EVC: variants seen among roughly 807,000 people sequenced by gnomAD.
The protein encoded by EVC is EvC ciliary complex subunit 1.
EVC carries 116 observed loss-of-function variants against 118.9 expected under a neutral mutation model. That is an observed-to-expected ratio of 0.98 (90% confidence interval 0.84 to 1.14). The LOEUF (loss-of-function observed/expected upper bound fraction) is 1.14, where lower values mean the gene tolerates loss of function less well. EVC is among the 50% of genes most tolerant of loss of function. The pLI, the probability that EVC is intolerant of heterozygous loss-of-function variation, is 0.00. For missense variants in EVC, 1,401 were observed against 1,246.4 expected, an observed-to-expected ratio of 1.12 and a Z score of -1.87; for synonymous variants, 619 against 534.7, an observed-to-expected ratio of 1.16 and a Z score of -2.18.
chr4:5,797,060 T>C lies in EVC; in HGVS notation c.1925T>C (p.Leu642Ser). 7 of 1,613,444 alleles carry C rather than the reference T, an allele frequency of 4.3e-6. No homozygotes were observed. Among genetic ancestry groups the C allele is most frequent in the Non-Finnish European group, 5.9e-6 (7 of 1,179,994 alleles). ...RCVLQGHDLLLRSALRRLALR... is the reference protein window; with the variant it reads ...RCVLQGHDLLSRSALRRLALR... ...GTCCTGCAGGGGCATGACCTGCTGTTGCGCTCAGCCCTCCGGAGGCTGGCA... is the reference window on the plus strand; with the variant it reads ...GTCCTGCAGGGGCATGACCTGCTGTCGCGCTCAGCCCTCCGGAGGCTGGCA... Residue 642 changes from leucine (L) to serine (S), a missense_variant, in exon 14 of 21, where the codon TTG becomes TCG. Transcript: ENST00000264956.
rs1028243307 is a variant in EVC at position 5,711,291 on chromosome 4, C to T, written c.-90C>T. On this transcript the variant is annotated 5_prime_UTR_variant, in exon 1 of 21. Transcript: ENST00000264956. ...TGCGGAGCGGGCCGCGCCCCTGGCC[C>T]GCCCGGGCTCCAAGTCCCGCGTCGC... The T allele has an allele frequency of 7.2e-5, 65 of 900,710 alleles. No individual in the cohort carries two copies. Among genetic ancestry groups the T allele is most frequent in the African/African-American group, 5.0e-4 (28 of 55,570 alleles). 55.8% of individuals were successfully genotyped at this position (900,710 alleles called of 1,614,324 possible).
intron 11 of EVC, among the ~76,000 whole-genome samples, chr4:5,773,895 G>A (rs1734345230): frequency 6.6e-6 from 1 of 152,064 alleles, no homozygotes; most frequent in Non-Finnish European, 1.5e-5. Context: ...TCAGGCTGGG[G>A]TCCCTGGGGA....
At chr4:5,825,367 G>A in the EVC span, 45 of 1,444,244 alleles carry the variant, frequency 3.1e-5, 1 homozygote, top group Admixed American at 6.1e-5. This position sits in a 1 kb window ranked among gnomAD's most constrained non-coding sequence, Gnocchi z 4.4. Flanking sequence ...CTCGGGTGGG[G>A]CACACTCCCT....
intron 11 of EVC, among the ~76,000 whole-genome samples, chr4:5,769,293 G>A (rs1459342016): frequency 6.6e-6 from 1 of 152,070 alleles, no homozygotes; most frequent in East Asian, 1.9e-4. Context: ...CTTACCCACT[G>A]TCACAAGAAC....
the EVC span, chr4:5,821,671 T>A: frequency 6.1e-6 from 8 of 1,302,482 alleles, no homozygotes; most frequent in Non-Finnish European, 8.5e-6. The surrounding 1 kb of genome is among the most constrained non-coding windows in gnomAD (Gnocchi z 4.4). Context: ...CAGCACCAAC[T>A]AAAACTGTGG....
intron 11 of EVC, among the ~76,000 whole-genome samples, chr4:5,777,390 C>A (rs1734860859): frequency 2.0e-5 from 3 of 152,088 alleles, no homozygotes; most frequent in African/African-American, 7.3e-5. Context: ...TACCAGGCCC[C>A]CACCCGTAAT....
chr4:5,821,486 A>C, the EVC span: 1 of 503,692 alleles, frequency 2.0e-6, no homozygotes, highest in African/African-American at 1.9e-5. This position sits in a 1 kb window ranked among gnomAD's most constrained non-coding sequence, Gnocchi z 4.4. Context: ...GAACAAGACA[A>C]TGCTAAAACC....
downstream of EVC, among the ~76,000 whole-genome samples, chr4:5,818,998 G>A (rs1718087578): frequency 1.3e-5 from 2 of 152,082 alleles, no homozygotes; most frequent in African/African-American, 2.4e-5. Context: ...GAATCAGAAG[G>A]GTCAATCACC....
At position 5,742,619 on chromosome 4, in the gene EVC, A is replaced by G. The variant is rs1728782149; in HGVS notation, c.801+805A>G. Among the ~76,000 whole-genome samples the G allele has an allele frequency of 6.6e-6, 1 of 152,058 alleles. No homozygotes were observed. Among genetic ancestry groups the G allele is most frequent in the African/African-American group, 2.4e-5 (1 of 41,406 alleles). ...CCTCATGACCGCTGTCATCACCAACACCATCACCATCCTCATGTCCTCATT... is the reference window on the plus strand; with the variant it reads ...CCTCATGACCGCTGTCATCACCAACGCCATCACCATCCTCATGTCCTCATT... On this transcript the variant is annotated intron_variant, in intron 6 of 20. Transcript: ENST00000264956. This position sits in a 1 kb window ranked among gnomAD's most constrained non-coding sequence, Gnocchi z 5.2.
At position 5,745,313 on chromosome 4, in the gene EVC, G is replaced by A; in HGVS notation, c.911G>A (p.Arg304Lys). The change falls in exon 7 of 21, where the codon AGA becomes AAA. Residue 304 changes from arginine to lysine, a missense_variant. By Grantham distance (26) the Arg-to-Lys change is conservative. Transcript: ENST00000264956. ...CTGGCTGATGTGGAAAAGAAGGAGA[G>A]AGAATACTCTGAACAGCTAATCGAT... ...ITLADVEKKEREYSEQLIDNM... is the reference protein window; with the variant it reads ...ITLADVEKKEKEYSEQLIDNM... 1 of 1,614,052 alleles carries A rather than the reference G, an allele frequency of 6.2e-7. No homozygotes were observed. Among genetic ancestry groups the A allele is most frequent in the Non-Finnish European group, 8.5e-7 (1 of 1,179,944 alleles).
At chr4:5,790,257 T>G (rs944554012) in intron 12 of EVC, among the ~76,000 whole-genome samples, 1 of 151,718 alleles carries the variant, frequency 6.6e-6, no homozygotes, top group Non-Finnish European at 1.5e-5. Context: ...TCCAATAGAT[T>G]ATTGTAAACT....
rs780118415 is a variant in EVC, at chr4:5,797,172, A to G, written c.2037A>G (p.Ala679=). Residue 679 remains alanine (A), a synonymous_variant, in exon 14 of 21, where the codon GCA becomes GCG. Coordinates refer to ENST00000264956, the MANE Select transcript of EVC (RefSeq NM_153717.3). ...TGCAGGAGCTGCGGGAACAGCGTGC[A>G]CTGGAGCAGGGGTCCTCCCAGTGCC... is the stretch of plus-strand genomic sequence containing the variant. ...HLLQELREQR[A]LEQGSSQCLD... 3.1e-6 allele frequency: 5 copies of G among 1,613,360 alleles called. No individual in the cohort carries two copies. The South Asian group carries it at 5.5e-5, about 18-fold the overall frequency.
At chr4:5,795,989 C>T (rs1713884255) in intron 13 of EVC, among the ~76,000 whole-genome samples, 1 of 142,390 alleles carries the variant, frequency 7.0e-6, no homozygotes, top group African/African-American at 2.5e-5. Flanking sequence ...TTACATGCTC[C>T]TCTGTATTTT....
chr4:5,780,343 A>T (rs1226638230), intron 11 of EVC, among the ~76,000 whole-genome samples: 1 of 152,230 alleles, frequency 6.6e-6, no homozygotes, highest in Non-Finnish European at 1.5e-5. Context: ...TTAAAAAAAC[A>T]ATTATCCATG....
At chr4:5,823,686 C>T in the EVC span, among the ~76,000 whole-genome samples, 4 of 152,220 alleles carry the variant, frequency 2.6e-5, no homozygotes, top group African/African-American at 4.8e-5. Context: ...TCTCTGCACA[C>T]GCTAGCTCTC....
At chr4:5,753,742 C>T (rs894259974) in intron 9 of EVC, 43 bp from the exon 10 acceptor site, 14 of 1,613,864 alleles carry the variant, frequency 8.7e-6, no homozygotes, top group Non-Finnish European at 1.2e-5. Context: ...GAAATTCTGG[C>T]TCACAGAGTC....
At chr4:5,730,733 A>G (rs149871990) in intron 3 of EVC, among the ~76,000 whole-genome samples, 1 of 152,038 alleles carries the variant, frequency 6.6e-6, no homozygotes, top group African/African-American at 2.4e-5. Context: ...CCAGCAAACA[A>G]CAAATGGGGG....
chr4:5,799,684 C>T (rs2152349427), intron 15 of EVC, among the ~76,000 whole-genome samples: 1 of 152,298 alleles, frequency 6.6e-6, no homozygotes, highest in East Asian at 1.9e-4. Context: ...GCAGCCCTGG[C>T]ATCGGGAAGT....
chr4:5,799,730 T>A (rs999568219), intron 15 of EVC, among the ~76,000 whole-genome samples: 1 of 152,216 alleles, frequency 6.6e-6, no homozygotes, highest in Non-Finnish European at 1.5e-5. Flanking sequence ...AAGGGGTTCC[T>A]TTCATCTCAG....
Sources: gnomAD v4.1 joint callset for allele counts (sites outside exome capture counted in the v4.1 genomes callset) on GRCh38, gnomAD v4.1.1 for gene constraint, Gnocchi (gnomAD v3.1) non-coding constraint, MANE v1.5 for transcripts, NCBI Gene and HGNC (gene_info 2026-07-23, HGNC 2026-07-21) for gene names.